EYS: variants seen among roughly 807,000 people sequenced by gnomAD.
EYS encodes protein eyes shut homolog.
In EYS, 250 loss-of-function variants were observed where a neutral mutation model predicts 282.1. The ratio of observed to expected loss-of-function variants is 0.89; its 90% confidence interval spans 0.80 to 0.98. The LOEUF (loss-of-function observed/expected upper bound fraction) is 0.98, where lower values mean the gene tolerates loss of function less well. Ranked by LOEUF, EYS falls within the 50% of genes least tolerant of loss-of-function variation. The pLI is 0.00. For synonymous variants in EYS, 1,355 were observed against 1,282.9 expected, an observed-to-expected ratio of 1.06 and a Z score of -1.20; for missense variants, 4,016 against 3,709.0, an observed-to-expected ratio of 1.08 and a Z score of -2.15.
chr6:64,904,282 C>T (rs550760364), intron 16 of EYS, among the ~76,000 whole-genome samples: 1 of 152,280 alleles, frequency 6.6e-6, no homozygotes, highest in African/African-American at 2.4e-5. Context: ...TCAGAGCCTG[C>T]AAATGAATCT....
At chr6:64,237,373 C>T (rs921515068) in intron 30 of EYS, among the ~76,000 whole-genome samples, 10 of 152,154 alleles carry the variant, frequency 6.6e-5, no homozygotes, top group African/African-American at 2.4e-4. Flanking sequence ...TCTAAGCCCC[C>T]TATTTCTCTA....
At chr6:65,109,244 C>G (rs6934070) in intron 12 of EYS, among the ~76,000 whole-genome samples, 68,687 of 151,558 alleles carry the variant, frequency 0.45, 16,133 homozygotes, top group African/African-American at 0.53. Flanking sequence ...GGTCGAAACT[C>G]TTGATTTTCC....
intron 26 of EYS, among the ~76,000 whole-genome samples, chr6:64,565,540 A>G (rs899624358): frequency 6.6e-6 from 1 of 152,170 alleles, no homozygotes; most frequent in Non-Finnish European, 1.5e-5. Flanking sequence ...TTTCACTTAC[A>G]TGTATAGTAT....
chr6:64,971,233 A>G (rs1770283116), intron 14 of EYS, among the ~76,000 whole-genome samples: 1 of 152,114 alleles, frequency 6.6e-6, no homozygotes, highest in African/African-American at 2.4e-5. Context: ...CCAGATGCCA[A>G]TAAGAAAATC....
chr6:64,519,173 C>G (rs1021214165), intron 26 of EYS, among the ~76,000 whole-genome samples: 3 of 151,792 alleles, frequency 2.0e-5, no homozygotes, highest in South Asian at 2.1e-4. Flanking sequence ...GGAAAATGCT[C>G]TCATCCTCCA....
At chr6:63,926,858 T>G (rs556109579) in intron 35 of EYS, among the ~76,000 whole-genome samples, 1 of 152,366 alleles carries the variant, frequency 6.6e-6, no homozygotes, top group East Asian at 1.9e-4. Context: ...GTAAAGGCTG[T>G]ACTTTGGACT....
intron 22 of EYS, among the ~76,000 whole-genome samples, chr6:64,680,187 G>A (rs1333054864): frequency 6.6e-6 from 1 of 152,142 alleles, no homozygotes; most frequent in South Asian, 2.1e-4. Flanking sequence ...GATGAAGAAA[G>A]GAAAAGCTTA....
intron 23 of EYS, among the ~76,000 whole-genome samples, chr6:64,623,394 G>T (rs7757013): frequency 3.5e-4 from 53 of 152,146 alleles, no homozygotes; most frequent in African/African-American, 9.1e-4. Context: ...ACATGTTGTG[G>T]GACATTACCC....
intron 15 of EYS, among the ~76,000 whole-genome samples, chr6:64,941,460 G>GT (rs1392922099): frequency 6.6e-6 from 1 of 152,010 alleles, no homozygotes; most frequent in Non-Finnish European, 1.5e-5. Flanking sequence ...TCTTTTTCAT[G>GT]TGTATGCATC....
chr6:64,463,278 A>G (rs1775815370), intron 26 of EYS, among the ~76,000 whole-genome samples: 1 of 152,046 alleles, frequency 6.6e-6, no homozygotes, highest in Non-Finnish European at 1.5e-5. Context: ...CATCCAAAAT[A>G]TGTGTGGACT....
chr6:65,330,669 C>G (rs1329329039), intron 11 of EYS: 2 of 935,536 alleles, frequency 2.1e-6, no homozygotes, highest in African/African-American at 3.6e-5. Context: ...CCGTTAACAT[C>G]ATCAACATTA....
intron 2 of EYS, among the ~76,000 whole-genome samples, chr6:65,638,749 C>T (rs1261239806): frequency 6.6e-6 from 1 of 152,232 alleles, no homozygotes; most frequent in Non-Finnish European, 1.5e-5. Context: ...CCTTGCCACT[C>T]CATGCCTGGC....
At chr6:63,803,169 T>G (rs1770820601) in intron 37 of EYS, among the ~76,000 whole-genome samples, 1 of 152,110 alleles carries the variant, frequency 6.6e-6, no homozygotes, top group Admixed American at 6.6e-5. Flanking sequence ...CCTATTTGAC[T>G]CTATCAGGAT....
chr6:64,453,247 C>T (rs537729344), intron 26 of EYS, among the ~76,000 whole-genome samples: 8 of 152,188 alleles, frequency 5.3e-5, no homozygotes, highest in Non-Finnish European at 1.0e-4. Flanking sequence ...CCAAAATACA[C>T]ATGAAAAAAT....
chr6:65,668,117 T>C (rs1031686733), intron 1 of EYS, among the ~76,000 whole-genome samples: 1 of 151,892 alleles, frequency 6.6e-6, no homozygotes, highest in Admixed American at 6.6e-5. Context: ...AGATCCCCTT[T>C]GCCCACTTTA....
At chr6:64,454,823 T>A (rs571448702) in intron 26 of EYS, among the ~76,000 whole-genome samples, 44 of 152,266 alleles carry the variant, frequency 2.9e-4, no homozygotes, top group Admixed American at 7.9e-4. Flanking sequence ...CCTTGTGATA[T>A]TTTATCTTCT....
At chr6:65,400,466 G>A (rs529522811) in intron 7 of EYS, among the ~76,000 whole-genome samples, 172 of 151,544 alleles carry the variant, frequency 1.1e-3, no homozygotes, top group African/African-American at 4.1e-3. Context: ...TCCCAGCATT[G>A]CCACTTTTGA....
At chr6:64,598,385 T>C (rs984154865) in intron 24 of EYS, among the ~76,000 whole-genome samples, 1 of 152,264 alleles carries the variant, frequency 6.6e-6, no homozygotes, top group African/African-American at 2.4e-5. Flanking sequence ...GGCGTGAACC[T>C]GCGAGGCGGA....
chr6:64,184,905 T>C (rs1332698470), intron 31 of EYS, among the ~76,000 whole-genome samples: 1 of 151,086 alleles, frequency 6.6e-6, no homozygotes, highest in Admixed American at 6.6e-5. Flanking sequence ...ATGTTTTTTT[T>C]CTCCCAAATC....
Sources: gnomAD v4.1 joint callset for allele counts (sites outside exome capture counted in the v4.1 genomes callset) on GRCh38, gnomAD v4.1.1 for gene constraint, MANE v1.5 for transcripts, NCBI Gene and HGNC (gene_info 2026-07-23, HGNC 2026-07-21) for gene names.